ME3: variants seen among roughly 807,000 people sequenced by gnomAD.
ME3 encodes malic enzyme 3.
A neutral mutation model predicts 68.9 loss-of-function variants in ME3; 48 were observed. The ratio of observed to expected loss-of-function variants is 0.70; its 90% CI spans 0.55 to 0.89. The LOEUF is 0.89. Ranked by LOEUF, ME3 falls within the 40% of genes least tolerant of loss-of-function variation. The probability of loss-of-function intolerance (pLI) is 0.00; values close to 1 mark genes in which losing one functional copy is unlikely to be tolerated. For missense variants in ME3, 675 were observed against 797.4 expected (o/e 0.85, Z 1.85); for synonymous variants, 320 against 318.8 (o/e 1.00, Z -0.04).
At chr11:86,454,825 C>A (rs1232256819) in intron 8 of ME3, among the ~76,000 whole-genome samples, 2 of 152,182 alleles carry the variant, frequency 1.3e-5, no homozygotes, top group African/African-American at 4.8e-5. Context: ...CTAATGGTTG[C>A]AGGGTGGGAG....
chr11:86,443,735 T>C (rs941547394), intron 13 of ME3, among the ~76,000 whole-genome samples: 1 of 152,226 alleles, frequency 6.6e-6, no homozygotes, highest in South Asian at 2.1e-4. Context: ...TTTTCAGATA[T>C]TAGGGAAGTG....
At chr11:86,480,515 A>G (rs748412675) in intron 7 of ME3, among the ~76,000 whole-genome samples, 3 of 152,178 alleles carry the variant, frequency 2.0e-5, no homozygotes, top group Admixed American at 1.3e-4. Context: ...TGAGTTTGCC[A>G]TCTCCCTCTT....
At chr11:86,636,671 G>A (rs894101087) in intron 2 of ME3, among the ~76,000 whole-genome samples, 3 of 152,224 alleles carry the variant, frequency 2.0e-5, no homozygotes, top group African/African-American at 4.8e-5. Flanking sequence ...TTTTGGAATC[G>A]GAGCTGCATT....
chr11:86,521,201 G>A (rs1954250860), intron 4 of ME3, among the ~76,000 whole-genome samples: 1 of 152,072 alleles, frequency 6.6e-6, no homozygotes, highest in Non-Finnish European at 1.5e-5. Flanking sequence ...AGACCATCCT[G>A]GCTAACACGG....
chr11:86,644,208 T>C (rs186006674), intron 2 of ME3, among the ~76,000 whole-genome samples: 52 of 152,256 alleles, frequency 3.4e-4, no homozygotes, highest in African/African-American at 1.2e-3. Flanking sequence ...TGACCGCTCC[T>C]GCCTCTCCGT....
intron 2 of ME3, among the ~76,000 whole-genome samples, chr11:86,592,024 C>A (rs766323415): frequency 1.3e-5 from 2 of 152,182 alleles, no homozygotes; most frequent in Non-Finnish European, 2.9e-5. Context: ...CAAACTAATA[C>A]ACTTCCTATG....
chr11:86,567,394 G>A (rs1205567948), intron 2 of ME3, among the ~76,000 whole-genome samples: 2 of 152,168 alleles, frequency 1.3e-5, no homozygotes, highest in Admixed American at 1.3e-4. Flanking sequence ...TTTTTACAAA[G>A]TAATAAGGAC....
At chr11:86,601,580 A>G (rs372342084) in intron 2 of ME3, among the ~76,000 whole-genome samples, 29 of 152,088 alleles carry the variant, frequency 1.9e-4, no homozygotes, top group South Asian at 4.2e-4. Flanking sequence ...AGAAAAAGAG[A>G]GAATCCTCCC....
intron 2 of ME3, among the ~76,000 whole-genome samples, chr11:86,662,874 G>A (rs1190252363): frequency 6.6e-6 from 1 of 152,174 alleles, no homozygotes; most frequent in African/African-American, 2.4e-5. Context: ...TATTTTGACT[G>A]GAACCCTAGC....
intron 4 of ME3, among the ~76,000 whole-genome samples, chr11:86,545,521 A>G (rs557874592): frequency 3.9e-5 from 6 of 152,326 alleles, no homozygotes; most frequent in Admixed American, 3.3e-4. Flanking sequence ...CTATATACCA[A>G]TAATAAACAA....
intron 2 of ME3, among the ~76,000 whole-genome samples, chr11:86,650,392 G>T (rs191945119): frequency 6.6e-6 from 1 of 152,148 alleles, no homozygotes; most frequent in Admixed American, 6.5e-5. Flanking sequence ...CAGTACATAC[G>T]TATGGGCAAA....
chr11:86,589,095 C>T (rs1206398081), intron 2 of ME3, among the ~76,000 whole-genome samples: 2 of 152,082 alleles, frequency 1.3e-5, no homozygotes. Flanking sequence ...TCTCATTGGC[C>T]TGGGAATCCA....
At chr11:86,590,581 C>T (rs925050642) in intron 2 of ME3, among the ~76,000 whole-genome samples, 1 of 152,122 alleles carries the variant, frequency 6.6e-6, no homozygotes, top group African/African-American at 2.4e-5. Context: ...CCACAGAGCA[C>T]CTCAAGGCAG....
At chr11:86,658,455 G>T (rs1946063541) in intron 2 of ME3, among the ~76,000 whole-genome samples, 1 of 151,840 alleles carries the variant, frequency 6.6e-6, no homozygotes, top group East Asian at 1.9e-4. Flanking sequence ...AATAATATAT[G>T]TAACACACCT....
In ME3 at chr11:86,604,855, A is replaced by G. The variant is rs191897160; in HGVS notation, c.184-45032T>C. ...GTTGAATTAATCCATTGTATCTTATATGTTTTAATTTAAAATTAACCATTT... is the reference window on the plus strand; with the variant it reads ...GTTGAATTAATCCATTGTATCTTATGTGTTTTAATTTAAAATTAACCATTT... On this transcript the variant is annotated intron_variant, in intron 2 of 14. Coordinates refer to ENST00000543262, the Ensembl canonical transcript of ME3. 1.3e-3 allele frequency among the ~76,000 whole-genome samples: 203 copies of G among 152,318 alleles called. 2 individuals carry two copies. Among genetic ancestry groups the G allele is most frequent in the Middle Eastern group, 6.8e-3 (2 of 294 alleles).
chr11:86,606,109 T>G (rs746457271), intron 2 of ME3, among the ~76,000 whole-genome samples: 1 of 152,182 alleles, frequency 6.6e-6, no homozygotes, highest in Non-Finnish European at 1.5e-5. Context: ...TACCACAGCT[T>G]ACTTGAGAAT....
chr11:86,525,316 T>C (rs1487762531), intron 4 of ME3, among the ~76,000 whole-genome samples: 1 of 152,122 alleles, frequency 6.6e-6, no homozygotes, highest in African/African-American at 2.4e-5. Flanking sequence ...AAGAAAAGTT[T>C]CTAACAGAAA....
intron 2 of ME3, among the ~76,000 whole-genome samples, chr11:86,583,746 C>CA (rs539403412): frequency 9.9e-5 from 15 of 152,122 alleles, no homozygotes; most frequent in African/African-American, 3.4e-4. Context: ...TAATTGTCTT[C>CA]AACAATGGTA....
chr11:86,640,001 G>A (rs887402792), intron 2 of ME3, among the ~76,000 whole-genome samples: 2 of 152,126 alleles, frequency 1.3e-5, no homozygotes, highest in African/African-American at 4.8e-5. Flanking sequence ...AGAGAGTGGA[G>A]GTGAGACCAG....
Sources: gnomAD v4.1 joint callset for allele counts (sites outside exome capture counted in the v4.1 genomes callset) on GRCh38, gnomAD v4.1.1 for gene constraint, MANE v1.5 for transcripts, NCBI Gene and HGNC (gene_info 2026-07-23, HGNC 2026-07-21) for gene names.